C16orf87: variants seen among roughly 807,000 people sequenced by gnomAD.
C16orf87 encodes HDAC and MIER1 interacting protein 1, also known as UPF0547 protein C16orf87.
C16orf87 carries 13 observed loss-of-function variants against 21.0 expected under a neutral mutation model. The ratio of observed to expected loss-of-function variants is 0.62; its 90% confidence interval spans 0.40 to 0.98. C16orf87 has a LOEUF of 0.98. Among genes scored for constraint, C16orf87 ranks in the 50% least tolerant of loss-of-function variants. The pLI, the probability that C16orf87 is intolerant of heterozygous loss-of-function variation, is 0.00. For missense variants in C16orf87, 113 were observed against 180.4 expected (o/e 0.63, Z 2.14); for synonymous variants, 49 against 60.2 (o/e 0.81, Z 0.86).
At chr16:46,827,518 CT>C (rs1959663129) in intron 1 of C16orf87, among the ~76,000 whole-genome samples, 2 of 152,010 alleles carry the variant, frequency 1.3e-5, no homozygotes, top group East Asian at 1.9e-4. Context: ...CATTAATTCA[CT>C]TTTTTAAAAA....
At chr16:46,806,268 T>G (rs942090432) in intron 3 of C16orf87, among the ~76,000 whole-genome samples, 3 of 150,412 alleles carry the variant, frequency 2.0e-5, no homozygotes, top group Non-Finnish European at 4.4e-5. Flanking sequence ...TTTTTTTTTT[T>G]TTTTTTTTGA....
chr16:46,808,176 C>A (rs1417325129), intron 3 of C16orf87: 1 of 450,604 alleles, frequency 2.2e-6, no homozygotes, highest in African/African-American at 2.0e-5. Flanking sequence ...ATAACTCAAA[C>A]CCTCTGGAAG....
intron 1 of C16orf87, among the ~76,000 whole-genome samples, chr16:46,828,518 A>C (rs1330635509): frequency 2.6e-5 from 4 of 152,172 alleles, no homozygotes; most frequent in Non-Finnish European, 5.9e-5. Context: ...TGAAAATGAA[A>C]AGGACTGTGG....
chr16:46,803,756 A>T (rs1967843583), intron 3 of C16orf87, among the ~76,000 whole-genome samples: 1 of 151,164 alleles, frequency 6.6e-6, no homozygotes, highest in Admixed American at 6.6e-5. Context: ...TGCCCCATAC[A>T]CATTTTCCAC....
chr16:46,805,871 C>T (rs1967915535), intron 3 of C16orf87, among the ~76,000 whole-genome samples: 2 of 152,114 alleles, frequency 1.3e-5, no homozygotes, highest in African/African-American at 4.8e-5. Flanking sequence ...TTTACCTGGA[C>T]GCTAATAAGC....
At chr16:46,819,562 A>G (rs1484704728) in intron 2 of C16orf87, among the ~76,000 whole-genome samples, 3 of 151,488 alleles carry the variant, frequency 2.0e-5, no homozygotes, top group Non-Finnish European at 4.4e-5. Context: ...CGCCCGCCTC[A>G]GTCTCCTAAA....
chr16:46,808,194 T>C (rs1167205491), intron 3 of C16orf87: 9 of 430,660 alleles, frequency 2.1e-5, no homozygotes, highest in Admixed American at 1.1e-4. Flanking sequence ...AAGAGCATAA[T>C]AGAAAGAGAA....
rs1274358926 is a variant in C16orf87, at chr16:46,801,757, G to C, written c.*1195C>G. ...AATTGATAATGTTACGGCTAAAATT[G>C]AAAGGGAGATTCTCTTAAAAGGGGG... On this transcript the variant is annotated 3_prime_UTR_variant, in exon 4 of 4. Transcript: ENST00000285697. 6.6e-6 allele frequency: 1 copy of C among 152,156 alleles called. No homozygotes were observed. Among genetic ancestry groups the C allele is most frequent in the Non-Finnish European group, 1.5e-5 (1 of 68,032 alleles). The allele number at this position is 152,156 out of a possible 1,614,324, so 9.4% of individuals were successfully genotyped here.
chr16:46,806,863 A>G (rs1216176635), intron 3 of C16orf87, among the ~76,000 whole-genome samples: 1 of 152,132 alleles, frequency 6.6e-6, no homozygotes, highest in South Asian at 2.1e-4. Context: ...TTTTTAAGTT[A>G]GGTTTTTTAG....
At chr16:46,825,494 T>C (rs1260688431) in intron 1 of C16orf87, among the ~76,000 whole-genome samples, 8 of 152,224 alleles carry the variant, frequency 5.3e-5, no homozygotes, top group Non-Finnish European at 2.9e-5. Flanking sequence ...TACACTAATA[T>C]AGACATGCAA....
intron 1 of C16orf87, among the ~76,000 whole-genome samples, chr16:46,829,550 C>T (rs1008060060): frequency 4.6e-5 from 7 of 152,092 alleles, no homozygotes; most frequent in African/African-American, 1.7e-4. Flanking sequence ...ACCATGTAAA[C>T]CTTACACTTC....
chr16:46,808,505 G>A (rs1053885714), intron 3 of C16orf87, among the ~76,000 whole-genome samples: 1 of 152,146 alleles, frequency 6.6e-6, no homozygotes, highest in African/African-American at 2.4e-5. Context: ...CGTCTGAAAA[G>A]CAAAGCATAA....
At chr16:46,807,522 G>C (rs987803250) in intron 3 of C16orf87, among the ~76,000 whole-genome samples, 1 of 152,168 alleles carries the variant, frequency 6.6e-6, no homozygotes, top group African/African-American at 2.4e-5. Flanking sequence ...AGTATTACTG[G>C]AACACAGGCA....
chr16:46,819,765 G>A (rs909092406), intron 2 of C16orf87, among the ~76,000 whole-genome samples: 57 of 151,360 alleles, frequency 3.8e-4, no homozygotes, highest in African/African-American at 1.2e-3. Flanking sequence ...ACCTGAGGTC[G>A]GGAGTTTGAG....
chr16:46,802,126 CCATT>C lies in C16orf87; in HGVS notation c.*822_*825del, dbSNP rs1157338491. The stretch of plus-strand genomic sequence containing the variant: ...ATTATCAGGATATAGAAACAAATAT[CCATT>C]CAGATAAAACATTACTGCTTAAAAG... On this transcript the variant is annotated 3_prime_UTR_variant, in exon 4 of 4. Coordinates refer to ENST00000285697, the MANE Select transcript of C16orf87 (RefSeq NM_001001436.4). 1 of 151,884 alleles carries C rather than the reference CCATT, an allele frequency of 6.6e-6. No homozygotes were observed. Among genetic ancestry groups the C allele is most frequent in the Admixed American group, 6.6e-5 (1 of 15,198 alleles). 9.4% of individuals were successfully genotyped at this position (151,884 alleles called of 1,614,324 possible).
intron 3 of C16orf87, chr16:46,807,918 T>C (rs530962493): frequency 7.3e-5 from 30 of 412,234 alleles, no homozygotes; most frequent in South Asian, 5.4e-4. Context: ...TAGACTTCAT[T>C]TCCCCAGCTA....
At chr16:46,814,821 C>T (rs1968193154) in intron 2 of C16orf87, among the ~76,000 whole-genome samples, 1 of 152,076 alleles carries the variant, frequency 6.6e-6, no homozygotes, top group Admixed American at 6.6e-5. Flanking sequence ...CTTGAGAGAT[C>T]TGAAAGGAGA....
chr16:46,814,322 CAAAAT>C (rs1054564830), intron 2 of C16orf87, among the ~76,000 whole-genome samples: 1 of 152,150 alleles, frequency 6.6e-6, no homozygotes, highest in African/African-American at 2.4e-5. Context: ...AGGTGATCAT[CAAAAT>C]AACTAGAGAC....
chr16:46,828,536 T>A (rs1421847200), intron 1 of C16orf87, among the ~76,000 whole-genome samples: 1 of 152,210 alleles, frequency 6.6e-6, no homozygotes. Context: ...TGGTTTAAGA[T>A]GTTTTAGAAT....
Sources: gnomAD v4.1 joint callset for allele counts (sites outside exome capture counted in the v4.1 genomes callset) on GRCh38, gnomAD v4.1.1 for gene constraint, MANE v1.5 for transcripts, NCBI Gene and HGNC (gene_info 2026-07-23, HGNC 2026-07-21) for gene names.